LRP1B: variants seen among roughly 807,000 people sequenced by gnomAD.
The protein encoded by LRP1B is LDL receptor related protein 1B.
LRP1B carries 217 observed loss-of-function variants against 556.6 expected under a neutral mutation model. The ratio of observed to expected loss-of-function variants is 0.39; its 90% CI spans 0.35 to 0.44. The LOEUF is 0.44. Ranked by LOEUF, LRP1B falls within the 20% of genes least tolerant of loss-of-function variation. LRP1B has a pLI of 1.00. For synonymous variants in LRP1B, 2,047 were observed against 1,865.8 expected (o/e 1.10, Z -2.50); for missense variants, 5,053 against 5,620.8 (o/e 0.90, Z 3.23).
intron 1 of LRP1B, among the ~76,000 whole-genome samples, chr2:142,079,932 A>G (rs1705652100): frequency 6.6e-6 from 1 of 152,222 alleles, no homozygotes; most frequent in East Asian, 1.9e-4. Context: ...CTGTCTATAA[A>G]GGATAATCAG....
chr2:141,401,672 AT>A lies in LRP1B; in HGVS notation c.343+78723del, dbSNP rs775052961. Among the ~76,000 whole-genome samples the A allele has an allele frequency of 4.6e-5, 7 of 152,304 alleles. No individual in the cohort carries two copies. In the East Asian group the frequency reaches 1.3e-3, roughly 29 times the overall value. ...TTTCTGACAAAAAAGACAATCATGG[AT>A]TTCTAAAATGTGTATTTGTTTAATT... On this transcript the variant is annotated intron_variant, in intron 3 of 90. Transcript: ENST00000389484.
chr2:141,177,052 CTAGATATAACTACTGAAATG>C (rs931177510), intron 7 of LRP1B, among the ~76,000 whole-genome samples: 8 of 152,004 alleles, frequency 5.3e-5, no homozygotes, highest in Non-Finnish European at 1.0e-4. Flanking sequence ...GACTCAGTGA[CTAGATATAACTACTGAAATG>C]TAGCAGAACT....
intron 3 of LRP1B, among the ~76,000 whole-genome samples, chr2:141,324,401 A>G (rs1357508447): frequency 6.6e-6 from 1 of 152,108 alleles, no homozygotes; most frequent in African/African-American, 2.4e-5. Flanking sequence ...TATGGCAAAT[A>G]CTTTTTGCTC....
At chr2:141,729,275 C>T (rs1034683928) in intron 2 of LRP1B, among the ~76,000 whole-genome samples, 1 of 152,036 alleles carries the variant, frequency 6.6e-6, no homozygotes, top group Non-Finnish European at 1.5e-5. Context: ...ATACTTGAAA[C>T]TTCAAACAAA....
Position 140,252,062 on chromosome 2 carries a change from C to CAAAAAAAAAAAAAAAAAAAAAAAAAA in LRP1B, c.13248-4926_13248-4901dup. ...TTGCAGATAGTAGCATGACAAGATG[C>CAAAAAAAAAAAAAAAAAAAAAAAAAA]AAAAAAAAAAAAAAAAAAAAAAAAA... On this transcript the variant is annotated intron_variant, in intron 86 of 90. Transcript: ENST00000389484. 1.7e-3 allele frequency among the ~76,000 whole-genome samples: 31 copies of CAAAAAAAAAAAAAAAAAAAAAAAAAA among 18,554 alleles called. 1 individual carries two copies. Among genetic ancestry groups the CAAAAAAAAAAAAAAAAAAAAAAAAAA allele is most frequent in the South Asian group, 6.6e-3 (1 of 152 alleles). 12.2% of individuals were successfully genotyped at this position (18,554 alleles called of 152,430 possible).
chr2:140,836,997 C>T (rs1439003974), intron 31 of LRP1B, among the ~76,000 whole-genome samples: 1 of 152,138 alleles, frequency 6.6e-6, no homozygotes, highest in Non-Finnish European at 1.5e-5. Context: ...CATATATTTC[C>T]TCTACTACAT....
At chr2:141,020,385 T>G (rs1351897076) in intron 11 of LRP1B, among the ~76,000 whole-genome samples, 2 of 152,034 alleles carry the variant, frequency 1.3e-5, no homozygotes, top group Non-Finnish European at 2.9e-5. Flanking sequence ...GAACTTCAAT[T>G]TATTGTAATT....
At chr2:140,392,524 G>A (rs548012938) in intron 66 of LRP1B, among the ~76,000 whole-genome samples, 1 of 151,462 alleles carries the variant, frequency 6.6e-6, no homozygotes, top group South Asian at 2.1e-4. Context: ...ATCTTGCTCT[G>A]TCACCCAGGC....
At chr2:141,655,417 T>C (rs963214834) in intron 2 of LRP1B, among the ~76,000 whole-genome samples, 1 of 152,112 alleles carries the variant, frequency 6.6e-6, no homozygotes, top group Non-Finnish European at 1.5e-5. Context: ...AACTTCCAAT[T>C]TGCATAACTA....
intron 1 of LRP1B, among the ~76,000 whole-genome samples, chr2:141,895,048 CAA>C (rs369108197): frequency 3.8e-5 from 3 of 78,506 alleles, no homozygotes; most frequent in African/African-American, 5.3e-5. Context: ...AACTCCATCT[CAA>C]AAAAAAAAAA....
At chr2:140,659,191 A>T (rs1308741582) in intron 41 of LRP1B, among the ~76,000 whole-genome samples, 1 of 143,254 alleles carries the variant, frequency 7.0e-6, no homozygotes, top group Non-Finnish European at 1.5e-5. Context: ...TTCAATGAGC[A>T]TGAAATGTGC....
At chr2:140,612,752 T>G (rs1214982680) in intron 41 of LRP1B, among the ~76,000 whole-genome samples, 1 of 152,146 alleles carries the variant, frequency 6.6e-6, no homozygotes, top group Non-Finnish European at 1.5e-5. Flanking sequence ...AGTCAACAAT[T>G]TTAATACTGT....
At chr2:140,276,831 A>T (rs1306201090) in intron 84 of LRP1B, among the ~76,000 whole-genome samples, 1 of 151,956 alleles carries the variant, frequency 6.6e-6, no homozygotes, top group Non-Finnish European at 1.5e-5. Context: ...TTATTTGCAG[A>T]TGAAAATTCC....
intron 2 of LRP1B, among the ~76,000 whole-genome samples, chr2:141,543,438 C>A (rs1302662013): frequency 6.7e-6 from 1 of 149,050 alleles, no homozygotes; most frequent in Non-Finnish European, 1.5e-5. Flanking sequence ...TTGCTTCAGC[C>A]CGGGAGGCTG....
chr2:140,915,376 C>T (rs888798290), intron 21 of LRP1B, among the ~76,000 whole-genome samples: 6 of 151,804 alleles, frequency 4.0e-5, no homozygotes, highest in African/African-American at 1.2e-4. Flanking sequence ...GGTTTGGGGG[C>T]GCTGGCTCAC....
At chr2:141,149,709 A>G (rs1013948648) in intron 7 of LRP1B, among the ~76,000 whole-genome samples, 5 of 152,148 alleles carry the variant, frequency 3.3e-5, no homozygotes, top group Admixed American at 3.3e-4. Context: ...ACAATTCAGA[A>G]TTAGTTACAA....
chr2:140,401,149 G>C lies in LRP1B; in HGVS notation c.10415-15140C>G, dbSNP rs544654097. 2.8e-4 allele frequency among the ~76,000 whole-genome samples: 43 copies of C among 152,314 alleles called. 1 individual carries two copies. The South Asian group carries it at 5.2e-3, about 18-fold the overall frequency. On this transcript the variant is annotated intron_variant, in intron 66 of 90. Coordinates refer to ENST00000389484, the MANE Select transcript of LRP1B (RefSeq NM_018557.3). ...TCTTGTCCAGAACTTGGTGGGGCTAGTGGGAAGTACACTGCAGGCATGAGT... is the reference window on the plus strand; with the variant it reads ...TCTTGTCCAGAACTTGGTGGGGCTACTGGGAAGTACACTGCAGGCATGAGT...
rs112006767 is a variant in LRP1B, at chr2:140,414,493, T to C, written c.10414+28011A>G. 6.6e-5 allele frequency among the ~76,000 whole-genome samples: 10 copies of C among 152,254 alleles called. 1 individual carries two copies. Among genetic ancestry groups the C allele is most frequent in the African/African-American group, 2.4e-4 (10 of 41,560 alleles). ...GTAATAGTGATTTACCTAATAAAAA[T>C]ATGCCCTGGTTGAGGTAATGCCTCT... On this transcript the variant is annotated intron_variant, in intron 66 of 90. Coordinates refer to ENST00000389484, the MANE Select transcript of LRP1B (RefSeq NM_018557.3).
chr2:141,415,601 G>A (rs926850501), intron 3 of LRP1B, among the ~76,000 whole-genome samples: 4 of 151,932 alleles, frequency 2.6e-5, no homozygotes, highest in Non-Finnish European at 5.9e-5. Context: ...TTTCCTCCTC[G>A]ACTTACTCCA....
Sources: gnomAD v4.1 joint callset for allele counts (sites outside exome capture counted in the v4.1 genomes callset) on GRCh38, gnomAD v4.1.1 for gene constraint, MANE v1.5 for transcripts, NCBI Gene and HGNC (gene_info 2026-07-23, HGNC 2026-07-21) for gene names.